SLC39A6: variants seen among roughly 807,000 people sequenced by gnomAD.
SLC39A6 encodes zinc transporter ZIP6.
In SLC39A6, 51 loss-of-function variants were observed where a neutral mutation model predicts 63.5. The ratio of observed to expected loss-of-function variants is 0.80; its 90% CI spans 0.64 to 1.01. The LOEUF (loss-of-function observed/expected upper bound fraction) is 1.01. Ranked by LOEUF, SLC39A6 falls within the 50% of genes least tolerant of loss-of-function variation. The pLI is 0.00. For synonymous variants in SLC39A6, 318 were observed against 324.7 expected, an observed-to-expected ratio of 0.98 and a Z score of 0.22; for missense variants, 805 against 927.8, an observed-to-expected ratio of 0.87 and a Z score of 1.72.
intron 7 of SLC39A6, among the ~76,000 whole-genome samples, chr18:36,112,837 C>T (rs1011022574): frequency 4.4e-4 from 67 of 152,200 alleles, no homozygotes; most frequent in African/African-American, 1.6e-3. Flanking sequence ...TAAAGTTATA[C>T]AAATCTGAGG....
Position 36,116,692 on chromosome 18 carries a change from T to C in SLC39A6, c.1447A>G (p.Lys483Glu), listed in dbSNP as rs768310168. The stretch of plus-strand genomic sequence containing the variant: ...AACTTACGATCATCTGTATCTACTT[T>C]CTCCTCATTTGTTGAAAGTTGAGAT... The part of the protein sequence containing the change: ...YESQLSTNEE[K>E]VDTDDRTEGY... The change falls in exon 6 of 10, where the codon AAA (lysine) becomes GAA (glutamate). Residue 483 changes from lysine to glutamate, a missense_variant. Physicochemically the swap from Lys to Glu is moderately conservative, Grantham distance 56. This residue lies in a region of SLC39A6 where 639 missense variants were observed against 644.0 expected (regional missense o/e 0.99). Coordinates refer to ENST00000269187, the MANE Select transcript of SLC39A6 (RefSeq NM_012319.4). 4.3e-6 allele frequency: 7 copies of C among 1,610,544 alleles called. No individual in the cohort carries two copies. The South Asian group carries it at 6.6e-5, about 15-fold the overall frequency.
chr18:36,112,592 A>G lies in SLC39A6; in HGVS notation c.1844-11T>C, dbSNP rs1448051523. ...CAGTAAAAGCAGCACCTGTGTAAAAATCAATCAGAAAAAGTTTGGCTACAT... is the reference window on the plus strand; with the variant it reads ...CAGTAAAAGCAGCACCTGTGTAAAAGTCAATCAGAAAAAGTTTGGCTACAT... On this transcript the variant is annotated splice_polypyrimidine_tract_variant and intron_variant, in intron 7 of 9. Coordinates refer to ENST00000269187, the MANE Select transcript of SLC39A6 (RefSeq NM_012319.4). 1.9e-6 allele frequency: 3 copies of G among 1,607,502 alleles called. No homozygotes were observed. The East Asian group carries it at 6.7e-5, about 36-fold the overall frequency.
chr18:36,127,070 TAAGA>T, intron 1 of SLC39A6, 54 bp from the exon 2 acceptor site: 1 of 1,432,920 alleles, frequency 7.0e-7, no homozygotes, highest in Non-Finnish European at 9.4e-7. Context: ...CAAATTGAAT[TAAGA>T]AACCTCATAC....
In SLC39A6 at chr18:36,126,558, G is replaced by C. The variant is rs752040773; in HGVS notation, c.450C>G (p.Asp150Glu). Residue 150 changes from aspartate to glutamate, a missense_variant, in exon 2 of 10, where the codon GAC becomes GAG. This residue lies in a region of SLC39A6 where 639 missense variants were observed against 644.0 expected (regional missense o/e 0.99). Transcript: ENST00000269187. The part of the protein sequence containing the change: ...NKRKALCPDH[D>E]SDSSGKDPRN... ...TAGGATCTTTACCTGAACTATCTGA[G>C]TCATGGTCTGGGCAAAGAGCTTTTC... The C allele has an allele frequency of 1.9e-6, 3 of 1,614,220 alleles. No homozygotes were observed. The highest frequency in any genetic ancestry group is 2.5e-6 in the Non-Finnish European group (3 of 1,180,032).
intron 5 of SLC39A6, among the ~76,000 whole-genome samples, chr18:36,118,423 T>C (rs1355724271): frequency 6.6e-6 from 1 of 152,220 alleles, no homozygotes; most frequent in Non-Finnish European, 1.5e-5. Context: ...GAATGTATAA[T>C]AACATGACCT....
At chr18:36,125,361 A>AAC (rs1331407134) in intron 2 of SLC39A6, among the ~76,000 whole-genome samples, 3 of 151,156 alleles carry the variant, frequency 2.0e-5, no homozygotes, top group South Asian at 4.2e-4. Context: ...AAAAAAAAAA[A>AAC]AAAACAACAA....
intron 9 of SLC39A6, among the ~76,000 whole-genome samples, 155 bp from the exon 10 acceptor site, chr18:36,109,900 C>T (rs555162638): frequency 1.3e-5 from 2 of 152,290 alleles, no homozygotes; most frequent in Non-Finnish European, 2.9e-5. Flanking sequence ...TACATACTGA[C>T]TCTAGCTAAC....
chr18:36,112,446 G>A (rs2089308081), intron 8 of SLC39A6, 55 bp downstream of exon 8: 3 of 1,303,608 alleles, frequency 2.3e-6, no homozygotes, highest in Non-Finnish European at 3.3e-6. Context: ...GCAAAAGCCA[G>A]TGACACTAGA....
At chr18:36,122,344 G>C in intron 4 of SLC39A6, 74 bp from the exon 5 acceptor site, 1 of 1,136,820 alleles carries the variant, frequency 8.8e-7, no homozygotes. Context: ...GCTAGGTAAG[G>C]TCAAAATTGA....
At chr18:36,119,571 A>T (rs1478727296) in intron 5 of SLC39A6, among the ~76,000 whole-genome samples, 2 of 150,548 alleles carry the variant, frequency 1.3e-5, no homozygotes, top group East Asian at 3.8e-4. Context: ...TGTTGCATTT[A>T]AAAATATTGG....
rs1240353738 is a variant in SLC39A6 at position 36,124,653 on chromosome 18, C to T, written c.837G>A (p.Gln279=). 6.3e-7 allele frequency: 1 copy of T among 1,582,222 alleles called. No homozygotes were observed. The highest frequency in any genetic ancestry group is 2.3e-5 in the East Asian group (1 of 44,302). Residue 279 remains glutamine (Q), a synonymous_variant, in exon 3 of 10, where the codon CAG becomes CAA. Coordinates refer to ENST00000269187, the MANE Select transcript of SLC39A6 (RefSeq NM_012319.4). ...TGAACTCTGTTGCATTCAGCGGAACCTGGATGCCCATGCCATGAGATGTCA... is the reference window on the plus strand; with the variant it reads ...TGAACTCTGTTGCATTCAGCGGAACTTGGATGCCCATGCCATGAGATGTCA... ...KLLTSHGMGI[Q]VPLNATEFNY...
rs2089432359 is a variant in SLC39A6 at position 36,125,762 on chromosome 18, T to C, written c.789+457A>G. ...ATGGAAACTGCTCCAATTTCAATCA[T>C]TCCTCAAGTCATGGTGGACCTTCTG... On this transcript the variant is annotated intron_variant, in intron 2 of 9. Coordinates refer to ENST00000269187, the MANE Select transcript of SLC39A6 (RefSeq NM_012319.4). Among the ~76,000 whole-genome samples, 3 of 152,202 alleles carry C rather than the reference T, an allele frequency of 2.0e-5. No individual in the cohort carries two copies. The South Asian group carries it at 6.2e-4, about 31-fold the overall frequency.
Position 36,108,871 on chromosome 18 carries a change from G to A in SLC39A6, c.*722C>T, listed in dbSNP as rs181183503. On this transcript the variant is annotated 3_prime_UTR_variant, in exon 10 of 10. Coordinates refer to ENST00000269187, the MANE Select transcript of SLC39A6 (RefSeq NM_012319.4). ...GTACTCATCTGGTATATACCCGCAC[G>A]AACATTTTGAAATTCCAATTTCTTG... 2.0e-5 allele frequency: 3 copies of A among 152,218 alleles called. No homozygotes were observed. The highest frequency in any genetic ancestry group is 6.5e-5 in the Admixed American group (1 of 15,280). 9.4% of individuals were successfully genotyped at this position (152,218 alleles called of 1,614,324 possible).
At chr18:36,110,979 G>T in intron 9 of SLC39A6, 80 bp downstream of exon 9, 1 of 1,559,152 alleles carries the variant, frequency 6.4e-7, no homozygotes, top group Admixed American at 1.9e-5. Context: ...CAAAAAGAGA[G>T]AAAAAAAATG....
At chr18:36,116,466 G>T (rs1045437249) in intron 6 of SLC39A6, among the ~76,000 whole-genome samples, 14 of 152,122 alleles carry the variant, frequency 9.2e-5, no homozygotes, top group Admixed American at 7.9e-4. Flanking sequence ...CTATGAATAT[G>T]AATTTACTTC....
chr18:36,117,508 T>C (rs1300882708), intron 5 of SLC39A6, among the ~76,000 whole-genome samples: 1 of 152,180 alleles, frequency 6.6e-6, no homozygotes, highest in African/African-American at 2.4e-5. Flanking sequence ...ACCAGAGATA[T>C]TGTCCCTAAG....
intron 1 of SLC39A6, among the ~76,000 whole-genome samples, chr18:36,128,805 GCTCT>G: frequency 6.6e-6 from 1 of 152,196 alleles, no homozygotes; most frequent in Non-Finnish European, 1.5e-5. Context: ...AGGGCACAAA[GCTCT>G]CTTCTAAAAG....
At chr18:36,127,172 A>G (rs1389951273) in intron 1 of SLC39A6, among the ~76,000 whole-genome samples, 156 bp from the exon 2 acceptor site, 1 of 152,252 alleles carries the variant, frequency 6.6e-6, no homozygotes, top group African/African-American at 2.4e-5. Flanking sequence ...GAAGATGGAA[A>G]GAACTAGAGT....
chr18:36,109,750 A>C lies in SLC39A6; in HGVS notation c.2116-5T>G. The C allele has an allele frequency of 6.3e-7, 1 of 1,579,266 alleles. No individual in the cohort carries two copies. Among genetic ancestry groups the C allele is most frequent in the Non-Finnish European group, 8.6e-7 (1 of 1,166,392 alleles). On this transcript the variant is annotated splice_polypyrimidine_tract_variant and splice_region_variant and intron_variant, in intron 9 of 9. Transcript: ENST00000269187. ...ATTGTGCAGCATTTCAGGTACCTTTAAAAAAAAGTAAGGGAAAATAAGAGT... is the reference window on the plus strand; with the variant it reads ...ATTGTGCAGCATTTCAGGTACCTTTCAAAAAAAGTAAGGGAAAATAAGAGT...
Sources: allele counts gnomAD v4.1 joint callset (sites outside exome capture counted in the v4.1 genomes callset), GRCh38; gene constraint gnomAD v4.1.1; regional missense constraint gnomAD v4.1.1; transcripts MANE v1.5; gene names NCBI Gene and HGNC (gene_info 2026-07-23, HGNC 2026-07-21).